The following DPH1 variants were observed in gnomAD, a reference collection of about 807,000 sequenced individuals.
The protein encoded by DPH1 is diphthamide biosynthesis 1.
In DPH1, 59 loss-of-function variants were observed where a neutral mutation model predicts 55.3. The ratio of observed to expected loss-of-function variants is 1.07; its 90% CI spans 0.87 to 1.33. The LOEUF is 1.33. Among genes scored for constraint, DPH1 ranks in the 40% most tolerant of loss-of-function variants. The pLI is 0.00. For missense variants in DPH1, 628 were observed against 584.8 expected, an observed-to-expected ratio of 1.07 and a Z score of -0.76; for synonymous variants, 238 against 235.5, an observed-to-expected ratio of 1.01 and a Z score of -0.10.
intron 12 of DPH1, 107 bp from the exon 13 acceptor site, chr17:2,042,498 T>C: frequency 7.1e-7 from 1 of 1,415,410 alleles, no homozygotes; most frequent in Non-Finnish European, 9.3e-7. Flanking sequence ...TTTGCCTCGA[T>C]TCCCTTTTTC....
At chr17:2,033,359 C>T in intron 1 of DPH1, 146 bp from the exon 2 acceptor site, 3 of 1,190,078 alleles carry the variant, frequency 2.5e-6, no homozygotes, top group South Asian at 1.4e-5. Context: ...AGCTAAGATG[C>T]CTGGGATTTT....
intron 6 of DPH1, among the ~76,000 whole-genome samples, chr17:2,037,717 G>T (rs1287614705): frequency 1.3e-5 from 2 of 152,232 alleles, no homozygotes; most frequent in Non-Finnish European, 1.5e-5. Context: ...AGGGAGAGAA[G>T]GAGCTGCCAC....
Position 2,036,885 on chromosome 17 carries a change from C to A in DPH1, c.609C>A (p.Cys203Ter), listed in dbSNP as rs1270597916. ...KAEYRVSVPQ[C>*]KPLSPGEILG... is the part of the protein sequence containing the mutation. Reference sequence around the variant, plus strand: ...AGTATCGTGTGAGTGTCCCACAGTGCAAGCCCCTGTCCCCTGGAGAGATCC... The same window carrying A: ...AGTATCGTGTGAGTGTCCCACAGTGAAAGCCCCTGTCCCCTGGAGAGATCC... The change falls in exon 6 of 13, where the codon TGC (cysteine) becomes TGA (stop). Residue 203 changes from cysteine to a stop codon, truncating the protein, a stop_gained. Coordinates refer to ENST00000263083, the MANE Select transcript of DPH1 (RefSeq NM_001383.6). LOFTEE classifies it high-confidence loss of function. This position sits in a 1 kb window ranked among gnomAD's most constrained non-coding sequence, Gnocchi z 4.8. The A allele has an allele frequency of 6.2e-7, 1 of 1,613,742 alleles. No homozygotes were observed. Among genetic ancestry groups the A allele is most frequent in the East Asian group, 2.2e-5 (1 of 44,888 alleles).
At chr17:2,042,574 A>C in intron 12 of DPH1, 31 bp from the exon 13 acceptor site, 1 of 1,505,042 alleles carries the variant, frequency 6.6e-7, no homozygotes, top group Non-Finnish European at 8.9e-7. Flanking sequence ...CCCATGCCCT[A>C]ATCCCATCCT....
At position 2,042,936 on chromosome 17, in the gene DPH1, C is replaced by G; in HGVS notation, c.*350C>G. On this transcript the variant is annotated 3_prime_UTR_variant, in exon 13 of 13. Transcript: ENST00000263083. Reference sequence around the variant, plus strand: ...AAAGGCCCTTGTCATTGCCTTCGCTCCATGTTTTTGGGGACACTGACAAAG... The same window carrying G: ...AAAGGCCCTTGTCATTGCCTTCGCTGCATGTTTTTGGGGACACTGACAAAG... 1 of 1,614,146 alleles carries G rather than the reference C, an allele frequency of 6.2e-7. No homozygotes were observed. Among genetic ancestry groups the G allele is most frequent in the South Asian group, 1.1e-5 (1 of 91,084 alleles).
intron 11 of DPH1, 51 bp downstream of exon 11, chr17:2,041,672 G>A (rs1463736796): frequency 2.5e-6 from 4 of 1,579,168 alleles, no homozygotes; most frequent in Non-Finnish European, 3.4e-6. Flanking sequence ...GGCACTGGCC[G>A]CCGCCCTGCG....
Position 2,036,212 on chromosome 17 carries a change from T to A in DPH1, c.400+121T>A. On this transcript the variant is annotated intron_variant, in intron 4 of 12. Coordinates refer to ENST00000263083, the MANE Select transcript of DPH1 (RefSeq NM_001383.6). The surrounding 1 kb of genome is among the most constrained non-coding windows in gnomAD (Gnocchi z 4.8). ...TGGAGACACAAGGTCCCTCCTGGTTTCTGGGGTGGCCTCTGCCTTCCCGCT... is the reference window on the plus strand; with the variant it reads ...TGGAGACACAAGGTCCCTCCTGGTTACTGGGGTGGCCTCTGCCTTCCCGCT... 6.8e-7 allele frequency: 1 copy of A among 1,470,776 alleles called. No individual in the cohort carries two copies. The highest frequency in any genetic ancestry group is 1.4e-5 in the South Asian group (1 of 73,970). 91.1% of individuals were successfully genotyped at this position (1,470,776 alleles called of 1,614,324 possible).
Position 2,043,069 on chromosome 17 carries a change from G to C in DPH1, c.*483G>C. ...TCCAGCAGCTGCACCCCAGCGTCAG[G>C]CCTACCTCAAGTTCTTGGACCAGTT... On this transcript the variant is annotated 3_prime_UTR_variant, in exon 13 of 13. Coordinates refer to ENST00000263083, the MANE Select transcript of DPH1 (RefSeq NM_001383.6). The C allele has an allele frequency of 6.2e-7, 1 of 1,613,864 alleles. No homozygotes were observed. Among genetic ancestry groups the C allele is most frequent in the Non-Finnish European group, 8.5e-7 (1 of 1,180,016 alleles).
chr17:2,039,683 G>A, intron 6 of DPH1, 72 bp from the exon 7 acceptor site: 10 of 1,602,622 alleles, frequency 6.2e-6, no homozygotes, highest in Admixed American at 1.7e-5. Context: ...GGCCAGCCCT[G>A]TGGACTTCTA....
chr17:2,037,033 A>G, intron 6 of DPH1, 77 bp downstream of exon 6: 1 of 1,541,940 alleles, frequency 6.5e-7, no homozygotes, highest in Non-Finnish European at 8.7e-7. Flanking sequence ...TTCATCATCC[A>G]GGAAAGAAAC....
intron 6 of DPH1, chr17:2,037,200 G>T: frequency 2.3e-6 from 1 of 428,220 alleles, no homozygotes; most frequent in Non-Finnish European, 4.0e-6. Context: ...GGCCTGATGG[G>T]GGTTGAGGGT....
rs1179056494 is a variant in DPH1, at chr17:2,036,100, G to C, written c.400+9G>C. On this transcript the variant is annotated intron_variant, in intron 4 of 12. Transcript: ENST00000263083. This position sits in a 1 kb window ranked among gnomAD's most constrained non-coding sequence, Gnocchi z 4.8. The stretch of plus-strand genomic sequence containing the variant: ...CGGCCACAGTTGCCTGAGTATGGTG[G>C]GGCCAGGACACCTGGACGGTGGCGG... 6.2e-7 allele frequency: 1 copy of C among 1,613,688 alleles called. No homozygotes were observed.
chr17:2,037,097 C>T, intron 6 of DPH1, 141 bp downstream of exon 6: 2 of 1,260,174 alleles, frequency 1.6e-6, no homozygotes, highest in South Asian at 3.2e-5. Flanking sequence ...AGGTAGGGAC[C>T]AAACAGGGAG....
chr17:2,030,611 T>C (rs2151338376), intron 1 of DPH1, among the ~76,000 whole-genome samples: 1 of 152,302 alleles, frequency 6.6e-6, no homozygotes, highest in African/African-American at 2.4e-5. Context: ...CGCCAGGCAT[T>C]AACTGAGCGC....
At chr17:2,037,043 C>T in intron 6 of DPH1, 87 bp downstream of exon 6, 1 of 1,529,608 alleles carries the variant, frequency 6.5e-7, no homozygotes, top group Non-Finnish European at 8.8e-7. Flanking sequence ...AGGAAAGAAA[C>T]CAAATCTAAT....
At position 2,033,579 on chromosome 17, in the gene DPH1, A is replaced by T. The variant is rs758225925; in HGVS notation, c.136A>T (p.Ile46Phe). 1.2e-6 allele frequency: 2 copies of T among 1,614,230 alleles called. No homozygotes were observed. Among genetic ancestry groups the T allele is most frequent in the East Asian group, 4.5e-5 (2 of 44,882 alleles). ...GAAGAACCCTCAGCTGCAGGCAGCA[A>T]TCCGGGTCCTGCCTTCCAACTACAA... is the stretch of plus-strand genomic sequence containing the variant. ...ILKNPQLQAA[I>F]RVLPSNYNFE... The change falls in exon 2 of 13, where the codon ATC becomes TTC. Residue 46 changes from isoleucine to phenylalanine, a missense_variant. Physicochemically the swap from Ile to Phe is conservative, Grantham distance 21 (BLOSUM62 0). Transcript: ENST00000263083.
Position 2,042,743 on chromosome 17 carries a change from G to C in DPH1, c.*157G>C, listed in dbSNP as rs764627413. ...GGGATGGTGGCACAGGCACTGAACA[G>C]GCTGGGGCCTTTTGACGGCCTTCTT... On this transcript the variant is annotated 3_prime_UTR_variant, in exon 13 of 13. Transcript: ENST00000263083. The C allele has an allele frequency of 8.7e-6, 14 of 1,601,250 alleles. No homozygotes were observed. Among genetic ancestry groups the C allele is most frequent in the Non-Finnish European group, 1.2e-5 (14 of 1,173,962 alleles).
Position 2,036,157 on chromosome 17 carries a change from T to C in DPH1, c.400+66T>C. The C allele has an allele frequency of 6.3e-7, 1 of 1,592,438 alleles. No individual in the cohort carries two copies. Among genetic ancestry groups the C allele is most frequent in the Non-Finnish European group, 8.6e-7 (1 of 1,169,120 alleles). ...CAGGGAGGCAGGCTGCACATTCATCTTCCCCATGGCAGTGCCTTCTTGTCC... is the reference window on the plus strand; with the variant it reads ...CAGGGAGGCAGGCTGCACATTCATCCTCCCCATGGCAGTGCCTTCTTGTCC... On this transcript the variant is annotated intron_variant, in intron 4 of 12. Transcript: ENST00000263083. This position sits in a 1 kb window ranked among gnomAD's most constrained non-coding sequence, Gnocchi z 4.8.
In DPH1 at chr17:2,040,596, A is replaced by C; in HGVS notation, c.998A>C (p.Glu333Ala). 1 of 1,614,120 alleles carries C rather than the reference A, an allele frequency of 6.2e-7. No individual in the cohort carries two copies. Among genetic ancestry groups the C allele is most frequent in the Non-Finnish European group, 8.5e-7 (1 of 1,179,988 alleles). The change falls in exon 9 of 13, where the codon GAG becomes GCG. Residue 333 changes from glutamate to alanine, a missense_variant. Coordinates refer to ENST00000263083, the MANE Select transcript of DPH1 (RefSeq NM_001383.6). Reference protein sequence around the residue: ...IFPSKLSLLPEVDVWVQVACP... With the variant: ...IFPSKLSLLPAVDVWVQVACP... ...CCCAGCAAGCTTAGCCTACTTCCTG[A>C]GGTGGATGTGTGAGTATCTGCCTGG...
Sources: allele counts gnomAD v4.1 joint callset (sites outside exome capture counted in the v4.1 genomes callset), GRCh38; gene constraint gnomAD v4.1.1; non-coding constraint Gnocchi (gnomAD v3.1); transcripts MANE v1.5; gene names NCBI Gene and HGNC (gene_info 2026-07-23, HGNC 2026-07-21).